The following CDH13 variants were observed in gnomAD, a reference collection of about 807,000 sequenced individuals.
CDH13 encodes the protein cadherin-13.
In CDH13, 24 loss-of-function variants were observed where a neutral mutation model predicts 63.8. The ratio of observed to expected loss-of-function variants is 0.38; its 90% CI spans 0.27 to 0.53. The LOEUF (loss-of-function observed/expected upper bound fraction) is 0.53, where lower values mean the gene tolerates loss of function less well. Ranked by LOEUF, CDH13 falls within the 20% of genes least tolerant of loss-of-function variation. The pLI, the probability that CDH13 is intolerant of heterozygous loss-of-function variation, is 0.85. For missense variants in CDH13, 1,049 were observed against 903.1 expected, an observed-to-expected ratio of 1.16 and a Z score of -2.07; for synonymous variants, 503 against 355.3, an observed-to-expected ratio of 1.42 and a Z score of -4.67.
At chr16:83,293,209 TATG>T (rs2089505676) in intron 5 of CDH13, among the ~76,000 whole-genome samples, 1 of 152,222 alleles carries the variant, frequency 6.6e-6, no homozygotes, top group Admixed American at 6.5e-5. Flanking sequence ...GGCCAAATCC[TATG>T]ATAAGAGGTC....
chr16:83,305,597 C>A (rs142396095), intron 5 of CDH13, among the ~76,000 whole-genome samples: 1 of 152,192 alleles, frequency 6.6e-6, no homozygotes, highest in Admixed American at 6.5e-5. Context: ...AGTTCTTCCA[C>A]GTAGCAGCTA....
At chr16:82,740,136 A>G (rs749014710) in intron 1 of CDH13, among the ~76,000 whole-genome samples, 2 of 151,992 alleles carry the variant, frequency 1.3e-5, no homozygotes, top group African/African-American at 4.8e-5. Flanking sequence ...AGGAGGCAAC[A>G]AAGATGTAAA....
intron 1 of CDH13, among the ~76,000 whole-genome samples, chr16:82,754,024 G>A (rs890501325): frequency 6.6e-6 from 1 of 152,126 alleles, no homozygotes; most frequent in Non-Finnish European, 1.5e-5. Flanking sequence ...GTGATTCTTC[G>A]GTTAGTGCTC....
At chr16:83,170,747 AG>A (rs2151728075) in intron 4 of CDH13, among the ~76,000 whole-genome samples, 1 of 152,240 alleles carries the variant, frequency 6.6e-6, no homozygotes, top group Non-Finnish European at 1.5e-5. Flanking sequence ...AAAGTCCAAG[AG>A]TCGTAACATT....
intron 3 of CDH13, among the ~76,000 whole-genome samples, chr16:83,037,116 G>A (rs942166495): frequency 1.3e-5 from 2 of 152,200 alleles, no homozygotes; most frequent in Non-Finnish European, 2.9e-5. Flanking sequence ...CTGGAGTAGG[G>A]AGAGACTAGA....
At chr16:83,212,842 T>A (rs2039379698) in intron 4 of CDH13, among the ~76,000 whole-genome samples, 1 of 152,102 alleles carries the variant, frequency 6.6e-6, no homozygotes. Context: ...GGAATTTGCG[T>A]TTTTAATGAG....
chr16:83,140,305 G>A (rs1262513518), intron 4 of CDH13, among the ~76,000 whole-genome samples: 2 of 152,144 alleles, frequency 1.3e-5, no homozygotes, highest in Non-Finnish European at 2.9e-5. Context: ...ACTTGCCAAT[G>A]TCTCAGAAAC....
chr16:83,364,784 G>A (rs773759836), intron 6 of CDH13, among the ~76,000 whole-genome samples: 1 of 152,172 alleles, frequency 6.6e-6, no homozygotes, highest in Non-Finnish European at 1.5e-5. Flanking sequence ...AGGAAGAAGA[G>A]AGAGAGAGAT....
chr16:83,061,701 T>C (rs1485494021), intron 3 of CDH13, among the ~76,000 whole-genome samples: 1 of 152,086 alleles, frequency 6.6e-6, no homozygotes, highest in Non-Finnish European at 1.5e-5. Context: ...TAAACTCCAG[T>C]GAGCTAAAAA....
chr16:83,166,838 C>T (rs988210510), intron 4 of CDH13, among the ~76,000 whole-genome samples: 11 of 152,128 alleles, frequency 7.2e-5, no homozygotes, highest in African/African-American at 2.2e-4. Flanking sequence ...GAAGCAAGGA[C>T]AAGTGTATTA....
chr16:83,767,483 A>C (rs1294792811), intron 11 of CDH13, among the ~76,000 whole-genome samples: 3 of 152,216 alleles, frequency 2.0e-5, no homozygotes, highest in Admixed American at 6.5e-5. Context: ...ACTGTGAGTC[A>C]ATTAAACCTC....
Position 82,827,487 on chromosome 16 carries a change from T to C in CDH13, c.46-30875T>C, listed in dbSNP as rs776801557. 4.3e-4 allele frequency among the ~76,000 whole-genome samples: 66 copies of C among 152,268 alleles called. 1 individual carries two copies. The highest frequency in any genetic ancestry group is 7.2e-4 in the Non-Finnish European group (49 of 68,008). On this transcript the variant is annotated intron_variant, in intron 1 of 13. Transcript: ENST00000567109. ...GATGCATTTCATGAGGCAGTGATGATGTGAGTCTTGGGCTCTGTAAGTGAG... is the reference window on the plus strand; with the variant it reads ...GATGCATTTCATGAGGCAGTGATGACGTGAGTCTTGGGCTCTGTAAGTGAG...
At chr16:82,966,903 A>G (rs1297899801) in intron 2 of CDH13, among the ~76,000 whole-genome samples, 1 of 152,170 alleles carries the variant, frequency 6.6e-6, no homozygotes, top group Non-Finnish European at 1.5e-5. Flanking sequence ...AAATTATCTA[A>G]TCAACACACT....
chr16:83,733,319 G>A (rs995646604), intron 10 of CDH13, among the ~76,000 whole-genome samples: 18 of 152,196 alleles, frequency 1.2e-4, no homozygotes, highest in Non-Finnish European at 2.4e-4. Context: ...GCTCCTGGGT[G>A]AGCTCTCTCC....
At chr16:83,357,846 C>T (rs1053034440) in intron 6 of CDH13, among the ~76,000 whole-genome samples, 1 of 152,156 alleles carries the variant, frequency 6.6e-6, no homozygotes, top group African/African-American at 2.4e-5. Context: ...TATAGTGAGC[C>T]ACAGGAACCC....
chr16:82,965,248 C>T (rs1329625954), intron 2 of CDH13, among the ~76,000 whole-genome samples: 1 of 152,152 alleles, frequency 6.6e-6, no homozygotes, highest in Admixed American at 6.5e-5. Flanking sequence ...TTGCTTCTTC[C>T]CTCCCCACAC....
intron 10 of CDH13, among the ~76,000 whole-genome samples, chr16:83,737,509 C>CTT (rs200309667): frequency 6.7e-6 from 1 of 148,284 alleles, no homozygotes; most frequent in African/African-American, 2.5e-5. Flanking sequence ...TAATAGGGTT[C>CTT]TTTTTTTTTT....
chr16:82,735,883 T>C (rs1414772847), intron 1 of CDH13, among the ~76,000 whole-genome samples: 4 of 152,202 alleles, frequency 2.6e-5, no homozygotes, highest in Non-Finnish European at 4.4e-5. Context: ...TTGCTTACAA[T>C]GTGCATGGCT....
intron 2 of CDH13, among the ~76,000 whole-genome samples, chr16:82,889,941 A>G (rs1336354439): frequency 6.6e-6 from 1 of 152,256 alleles, no homozygotes; most frequent in South Asian, 2.1e-4. Context: ...ACAGACCTCC[A>G]TAGGTAATAC....
Sources: allele counts gnomAD v4.1 joint callset (sites outside exome capture counted in the v4.1 genomes callset), GRCh38; gene constraint gnomAD v4.1.1; transcripts MANE v1.5; gene names NCBI Gene and HGNC (gene_info 2026-07-23, HGNC 2026-07-21).